Variants in TSPEAR observed in about 807,000 individuals in gnomAD.
The protein encoded by TSPEAR is thrombospondin type laminin G domain and EAR repeats.
In TSPEAR, 69 loss-of-function variants were observed where a neutral mutation model predicts 71.6. The observed-to-expected ratio is 0.96, with a 90% confidence interval of 0.79 to 1.18. The LOEUF is 1.18. Among genes scored for constraint, TSPEAR ranks in the 50% most tolerant of loss-of-function variants. The pLI is 0.00. For synonymous variants in TSPEAR, 402 were observed against 387.2 expected (o/e 1.04, Z -0.45); for missense variants, 971 against 894.9 (o/e 1.09, Z -1.09).
chr21:44,531,269 G>C lies in TSPEAR; in HGVS notation c.543-136C>G, dbSNP rs757246434. On this transcript the variant is annotated intron_variant, in intron 3 of 11. Coordinates refer to ENST00000323084, the MANE Select transcript of TSPEAR (RefSeq NM_144991.3). ...GCTGCCACACAAAGGATGGCACACA[G>C]GGCTGATCGCCTGCACAGCTCTGGA... The C allele has an allele frequency of 1.6e-5, 11 of 678,512 alleles. No individual in the cohort carries two copies. In the South Asian group the frequency reaches 2.0e-4, roughly 12 times the overall value. The allele number at this position is 678,512 out of a possible 1,614,324, so 42.0% of individuals were successfully genotyped here.
intron 1 of TSPEAR, among the ~76,000 whole-genome samples, chr21:44,672,603 A>G (rs1986115395): frequency 6.6e-6 from 1 of 152,184 alleles, no homozygotes; most frequent in Admixed American, 6.5e-5. Flanking sequence ...ATTTAGCAAA[A>G]TGATAGGTGA....
chr21:44,582,777 T>G (rs1360716238), intron 1 of TSPEAR, among the ~76,000 whole-genome samples: 4 of 152,224 alleles, frequency 2.6e-5, no homozygotes, highest in Admixed American at 1.3e-4. Context: ...GACAATTGAA[T>G]GATCACACCA....
At chr21:44,558,472 G>C (rs1041320230) in intron 2 of TSPEAR, 1 of 1,614,106 alleles carries the variant, frequency 6.2e-7, no homozygotes, top group Non-Finnish European at 8.5e-7. Context: ...CAGCTAGACT[G>C]CTGGCAGCAC....
chr21:44,583,068 A>G (rs1211060), intron 1 of TSPEAR, among the ~76,000 whole-genome samples: 143,768 of 152,102 alleles, frequency 0.95, 68,090 homozygotes, highest in Non-Finnish European at 0.97. Flanking sequence ...TCTCGAACTT[A>G]TGGCCTCAAG....
chr21:44,503,205 G>A (rs181239865), intron 11 of TSPEAR, among the ~76,000 whole-genome samples: 19 of 135,638 alleles, frequency 1.4e-4, no homozygotes, highest in South Asian at 4.7e-4. Context: ...CCACAGGGGG[G>A]AAGCAAGGCG....
intron 1 of TSPEAR, among the ~76,000 whole-genome samples, chr21:44,606,126 TG>T (rs1555929773): frequency 9.6e-6 from 1 of 104,384 alleles, no homozygotes; most frequent in African/African-American, 4.0e-5. Context: ...AATCTAAAAA[TG>T]GACAAACAGC....
intron 1 of TSPEAR, among the ~76,000 whole-genome samples, chr21:44,649,174 C>T (rs587774297): frequency 1.1e-4 from 16 of 152,280 alleles, no homozygotes; most frequent in East Asian, 7.7e-4. Context: ...AAGGCGAGGA[C>T]ATGGTTGGTG....
chr21:44,510,762 C>T (rs782712378), intron 9 of TSPEAR: 2 of 152,318 alleles, frequency 1.3e-5, no homozygotes, highest in African/African-American at 2.4e-5. Flanking sequence ...GGCAAGGTCC[C>T]AAAGCAGATC....
intron 2 of TSPEAR, among the ~76,000 whole-genome samples, chr21:44,552,923 G>A (rs781964045): frequency 1.2e-4 from 19 of 152,194 alleles, no homozygotes; most frequent in Non-Finnish European, 2.4e-4. Context: ...ATCTGAAGAC[G>A]CAGGGCAGTC....
intron 8 of TSPEAR, among the ~76,000 whole-genome samples, chr21:44,524,307 ACAGT>A (rs1430693035): frequency 6.6e-6 from 1 of 151,206 alleles, no homozygotes; most frequent in Non-Finnish European, 1.5e-5. Context: ...AGTCAGTCAG[ACAGT>A]CAGGTAGTTA....
Position 44,695,420 on chromosome 21 carries a change from G to A in TSPEAR, c.82+16013C>T, listed in dbSNP as rs1569264226. The stretch of plus-strand genomic sequence containing the variant: ...GACACACAGCAGGAAATGAATGCAC[G>A]ACTCAGGCCAGAGGCATCAGCTGGT... On this transcript the variant is annotated intron_variant, in intron 1 of 11. Transcript: ENST00000323084. This position sits in a 1 kb window ranked among gnomAD's most constrained non-coding sequence, Gnocchi z 4.5. Among the ~76,000 whole-genome samples the A allele has an allele frequency of 1.3e-5, 2 of 152,072 alleles. No individual in the cohort carries two copies. The highest frequency in any genetic ancestry group is 2.4e-5 in the African/African-American group (1 of 41,392).
rs143002551 is a variant in TSPEAR at position 44,687,424 on chromosome 21, G to C, written c.82+24009C>G. Among the ~76,000 whole-genome samples the C allele has an allele frequency of 2.0e-3, 300 of 152,330 alleles. No individual in the cohort carries two copies. Among genetic ancestry groups the C allele is most frequent in the African/African-American group, 6.5e-3 (272 of 41,588 alleles). On this transcript the variant is annotated intron_variant, in intron 1 of 11. Coordinates refer to ENST00000323084, the MANE Select transcript of TSPEAR (RefSeq NM_144991.3). The surrounding 1 kb of genome is among the most constrained non-coding windows in gnomAD (Gnocchi z 4.4). ...GTGGATGGATAAACACAGCGTGACAGAGCGGTACAGCGGAATCCACACCAG... is the reference window on the plus strand; with the variant it reads ...GTGGATGGATAAACACAGCGTGACACAGCGGTACAGCGGAATCCACACCAG...
chr21:44,553,806 G>A (rs782244925), intron 2 of TSPEAR, among the ~76,000 whole-genome samples: 1 of 152,186 alleles, frequency 6.6e-6, no homozygotes, highest in Non-Finnish European at 1.5e-5. Context: ...ACACGATCTG[G>A]AAATGAACTG....
intron 1 of TSPEAR, chr21:44,574,461 A>T: frequency 6.3e-7 from 1 of 1,596,020 alleles, no homozygotes; most frequent in Non-Finnish European, 8.5e-7. Flanking sequence ...CGTCTGCTGC[A>T]AGACTGTCTG....
intron 9 of TSPEAR, chr21:44,519,259 C>T (rs2052683065): frequency 6.6e-6 from 1 of 152,568 alleles, no homozygotes; most frequent in Admixed American, 6.5e-5. Context: ...TCTTGATCTC[C>T]TGACCTTGTG....
chr21:44,572,625 C>T (rs2053821211), intron 1 of TSPEAR, among the ~76,000 whole-genome samples: 2 of 151,812 alleles, frequency 1.3e-5, no homozygotes, highest in Admixed American at 6.6e-5. Flanking sequence ...CTCCCGTGCC[C>T]ACGTCCTCAT....
chr21:44,512,753 G>C (rs587601709), intron 9 of TSPEAR, among the ~76,000 whole-genome samples: 58 of 152,078 alleles, frequency 3.8e-4, no homozygotes, highest in Non-Finnish European at 7.2e-4. Flanking sequence ...GGTGGGGCGT[G>C]TATTTGTTCC....
chr21:44,702,942 C>T (rs1225679554), intron 1 of TSPEAR, among the ~76,000 whole-genome samples: 5 of 152,208 alleles, frequency 3.3e-5, no homozygotes, highest in South Asian at 2.1e-4. Flanking sequence ...CCTACAACCA[C>T]GGCTTACCTA....
rs1555953638 is a variant in TSPEAR, at chr21:44,711,517, G to A, written c.-3C>T. 1.2e-6 allele frequency: 2 copies of A among 1,610,322 alleles called. No individual in the cohort carries two copies. The highest frequency in any genetic ancestry group is 1.3e-5 in the African/African-American group (1 of 75,022). ...CACAGACTCAGCAGGGCAGACATGA[G>A]GGGCTTGGGTGCCAAGCTCCATCCA... On this transcript the variant is annotated 5_prime_UTR_variant, in exon 1 of 12. Coordinates refer to ENST00000323084, the MANE Select transcript of TSPEAR (RefSeq NM_144991.3). The surrounding 1 kb of genome is among the most constrained non-coding windows in gnomAD (Gnocchi z 4.5).
Sources: allele counts gnomAD v4.1 joint callset (sites outside exome capture counted in the v4.1 genomes callset), GRCh38; gene constraint gnomAD v4.1.1; non-coding constraint Gnocchi (gnomAD v3.1); transcripts MANE v1.5; gene names NCBI Gene and HGNC (gene_info 2026-07-23, HGNC 2026-07-21).